TCTN2: variants seen among roughly 807,000 people sequenced by gnomAD.
TCTN2 encodes tectonic-2.
TCTN2 carries 66 observed loss-of-function variants against 83.4 expected under a neutral mutation model. The observed-to-expected ratio is 0.79, with a 90% confidence interval of 0.65 to 0.97. The LOEUF (loss-of-function observed/expected upper bound fraction) is 0.97. Ranked by LOEUF, TCTN2 falls within the 50% of genes least tolerant of loss-of-function variation. The pLI is 0.00. For missense variants in TCTN2, 794 were observed against 858.1 expected, an observed-to-expected ratio of 0.93 and a Z score of 0.93; for synonymous variants, 301 against 326.7, an observed-to-expected ratio of 0.92 and a Z score of 0.85.
intron 5 of TCTN2, among the ~76,000 whole-genome samples, chr12:123,686,245 C>T (rs1002779253): frequency 2.0e-5 from 3 of 152,108 alleles, no homozygotes; most frequent in African/African-American, 7.2e-5. Context: ...TGGGGCTTCA[C>T]CATGTTGGCC....
intron 12 of TCTN2, 176 bp downstream of exon 12, chr12:123,696,671 T>A: frequency 1.5e-6 from 1 of 666,582 alleles, no homozygotes; most frequent in Non-Finnish European, 2.7e-6. Flanking sequence ...TACAGCTTTT[T>A]AAAAAGGAAT....
Position 123,707,186 on chromosome 12 carries a change from G to T in TCTN2, c.1984+113G>T, listed in dbSNP as rs1002355052. The T allele has an allele frequency of 5.4e-6, 5 of 927,956 alleles. No homozygotes were observed. The Admixed American group carries it at 1.0e-4, about 19-fold the overall frequency. 57.5% of individuals were successfully genotyped at this position (927,956 alleles called of 1,614,324 possible). A position where few individuals can be genotyped will look rare whatever the true frequency, so the allele number is the denominator to read the frequency against. On this transcript the variant is annotated intron_variant, in intron 17 of 17. Coordinates refer to ENST00000303372, the MANE Select transcript of TCTN2 (RefSeq NM_024809.5). Reference sequence around the variant, plus strand: ...AAAACATATAGAAACTTAAAAAAAAGTACGGATAATATTGCCACTTGGAAG... The same window carrying T: ...AAAACATATAGAAACTTAAAAAAAATTACGGATAATATTGCCACTTGGAAG...
At chr12:123,672,025 C>G in intron 2 of TCTN2, 31 bp from the exon 3 acceptor site, 1 of 1,601,580 alleles carries the variant, frequency 6.2e-7, no homozygotes. Flanking sequence ...CTGGACCTTG[C>G]TGCCTTTGCA....
At chr12:123,680,388 A>ATT (rs1204785087) in intron 5 of TCTN2, among the ~76,000 whole-genome samples, 1 of 146,902 alleles carries the variant, frequency 6.8e-6, no homozygotes, top group Non-Finnish European at 1.5e-5. Flanking sequence ...TTTTGAGTAA[A>ATT]TTTTTTTTTT....
chr12:123,671,311 G>C lies in TCTN2; in HGVS notation c.71G>C (p.Trp24Ser). The C allele has an allele frequency of 1.9e-6, 3 of 1,613,602 alleles. No homozygotes were observed. The highest frequency in any genetic ancestry group is 1.3e-5 in the African/African-American group (1 of 75,012). The stretch of plus-strand genomic sequence containing the variant: ...CTGCAGGGCATCCTGAGGCTTCTGT[G>C]GGGGGACCTGGGTGTGTACGGCGCG... ...FLLQGILRLL[W>S]GDLAFIPPFI... The change falls in exon 1 of 18, where the codon TGG (tryptophan) becomes TCG (serine). Residue 24 changes from tryptophan to serine, a missense_variant. Transcript: ENST00000303372.
intron 8 of TCTN2, among the ~76,000 whole-genome samples, chr12:123,691,787 A>G (rs1428105972): frequency 1.3e-5 from 2 of 148,878 alleles, no homozygotes; most frequent in Non-Finnish European, 3.0e-5. Context: ...GCTGGAGTGC[A>G]GTGACGTGAT....
At chr12:123,700,666 C>T (rs183213620) in intron 14 of TCTN2, among the ~76,000 whole-genome samples, 3,200 of 152,282 alleles carry the variant, frequency 0.021, 96 homozygotes, top group African/African-American at 0.054. Context: ...CTCCTGACCC[C>T]GTGATCCACC....
intron 9 of TCTN2, 95 bp downstream of exon 9, chr12:123,692,818 T>A: frequency 9.7e-7 from 1 of 1,027,854 alleles, no homozygotes; most frequent in Admixed American, 1.9e-5. Flanking sequence ...TTTTTGTTAG[T>A]CATTTAAAAA....
intron 5 of TCTN2, 31 bp downstream of exon 5, chr12:123,679,320 T>C (rs1323304182): frequency 1.3e-6 from 2 of 1,583,530 alleles, no homozygotes; most frequent in East Asian, 2.2e-5. Context: ...GCACAAAAGT[T>C]ATGCTACCTG....
At position 123,686,221 on chromosome 12, in the gene TCTN2, AT is replaced by A. The variant is rs373098766; in HGVS notation, c.565-610del. ...ACCACCACACCCGGCTAATTTTTGT[AT>A]TTTTAGTAAATATGGGGCTTCACCA... On this transcript the variant is annotated intron_variant, in intron 5 of 17. Transcript: ENST00000303372. Among the ~76,000 whole-genome samples, 1,378 of 151,876 alleles carry A rather than the reference AT, an allele frequency of 9.1e-3. 25 individuals carry two copies. The highest frequency in any genetic ancestry group is 0.031 in the African/African-American group (1,296 of 41,390).
chr12:123,696,809 C>T, intron 12 of TCTN2: 1 of 529,270 alleles, frequency 1.9e-6, no homozygotes, highest in Non-Finnish European at 3.4e-6. Context: ...ATGAAAATAA[C>T]TTCGTTCTGA....
At chr12:123,673,330 A>G (rs1955778842) in intron 3 of TCTN2, among the ~76,000 whole-genome samples, 1 of 152,192 alleles carries the variant, frequency 6.6e-6, no homozygotes, top group South Asian at 2.1e-4. Flanking sequence ...TGATAAAGAA[A>G]CTAAAAAGGT....
At chr12:123,705,440 C>T (rs1453552249) in intron 15 of TCTN2, among the ~76,000 whole-genome samples, 1 of 152,120 alleles carries the variant, frequency 6.6e-6, no homozygotes, top group East Asian at 1.9e-4. Flanking sequence ...GGATTACAGG[C>T]ATGAGCCACC....
intron 15 of TCTN2, among the ~76,000 whole-genome samples, chr12:123,705,225 A>G (rs867612890): frequency 4.0e-5 from 6 of 148,156 alleles, no homozygotes; most frequent in Non-Finnish European, 8.9e-5. Context: ...TGCAGTGGCA[A>G]TATCTTGACT....
chr12:123,685,007 G>A (rs771095690), intron 5 of TCTN2, among the ~76,000 whole-genome samples: 13 of 148,594 alleles, frequency 8.7e-5, no homozygotes, highest in East Asian at 2.0e-4. Context: ...CTGAGATCGC[G>A]CCACTGCACT....
rs976157551 is a variant in TCTN2 at position 123,692,579 on chromosome 12, G to A, written c.1034-79G>A. 4.9e-6 allele frequency: 6 copies of A among 1,215,718 alleles called. No individual in the cohort carries two copies. The African/African-American group carries it at 9.0e-5, about 18-fold the overall frequency. 75.3% of individuals were successfully genotyped at this position (1,215,718 alleles called of 1,614,324 possible). On this transcript the variant is annotated intron_variant, in intron 8 of 17. Coordinates refer to ENST00000303372, the MANE Select transcript of TCTN2 (RefSeq NM_024809.5). ...CAGTTGCGGTCACCATATTTGCTTTGTAAGCTATACTTTGAGTAAGTGTGA... is the reference window on the plus strand; with the variant it reads ...CAGTTGCGGTCACCATATTTGCTTTATAAGCTATACTTTGAGTAAGTGTGA...
At chr12:123,696,305 C>T in intron 11 of TCTN2, 110 bp from the exon 12 acceptor site, 1 of 920,336 alleles carries the variant, frequency 1.1e-6, no homozygotes, top group Admixed American at 1.8e-5. Context: ...TTTTCGAAAG[C>T]TTCGCCTATG....
chr12:123,694,823 C>A lies in TCTN2; in HGVS notation c.1100-19C>A. ...TCAAAGAGGGTCTTTAATTTATGAA[C>A]ATATTCTTGTATTTGCAGAAACTCC... On this transcript the variant is annotated intron_variant, in intron 9 of 17. Coordinates refer to ENST00000303372, the MANE Select transcript of TCTN2 (RefSeq NM_024809.5). 6.2e-7 allele frequency: 1 copy of A among 1,608,654 alleles called. No homozygotes were observed. Among genetic ancestry groups the A allele is most frequent in the Non-Finnish European group, 8.5e-7 (1 of 1,176,020 alleles).
chr12:123,696,574 G>A, intron 12 of TCTN2, 79 bp downstream of exon 12: 2 of 1,297,780 alleles, frequency 1.5e-6, no homozygotes, highest in Non-Finnish European at 2.2e-6. Context: ...ATCTAATCAA[G>A]CAATCAATTA....
Sources: allele counts gnomAD v4.1 joint callset (sites outside exome capture counted in the v4.1 genomes callset), GRCh38; gene constraint gnomAD v4.1.1; transcripts MANE v1.5; gene names NCBI Gene and HGNC (gene_info 2026-07-23, HGNC 2026-07-21).